SIK3: variants seen among roughly 807,000 people sequenced by gnomAD.
SIK3 encodes the protein SIK family kinase 3.
A neutral mutation model predicts 144.2 loss-of-function variants in SIK3; 28 were observed. The ratio of observed to expected loss-of-function variants is 0.19; its 90% confidence interval spans 0.14 to 0.27. The LOEUF is 0.27. SIK3 is among the 10% of genes least tolerant of loss of function. SIK3 has a pLI of 1.00. For missense variants in SIK3, 1,319 were observed against 1,776.0 expected (o/e 0.74, Z 4.62); for synonymous variants, 686 against 676.3 (o/e 1.01, Z -0.22).
intron 3 of SIK3, among the ~76,000 whole-genome samples, chr11:116,938,597 GGAGGA>G (rs1948101068): frequency 3.9e-4 from 9 of 23,050 alleles, no homozygotes; most frequent in African/African-American, 8.8e-4. Flanking sequence ...AGAGGAGAGG[GGAGGA>G]GAGGAGAGGA....
intron 1 of SIK3, 134 bp from the exon 2 acceptor site, chr11:116,957,198 G>A: frequency 3.9e-6 from 2 of 509,102 alleles, no homozygotes; most frequent in Non-Finnish European, 6.9e-6. Context: ...ATGTCAATGA[G>A]GAAAATTAAT....
intron 3 of SIK3, among the ~76,000 whole-genome samples, chr11:116,951,202 T>G (rs1473324): frequency 0.16 from 24,663 of 152,140 alleles, 2,119 homozygotes; most frequent in Admixed American, 0.21. Context: ...AGAGATCTGA[T>G]TCAAACCTAG....
chr11:116,938,302 GA>G (rs1218133971), intron 3 of SIK3, among the ~76,000 whole-genome samples: 9 of 72,040 alleles, frequency 1.2e-4, no homozygotes, highest in Admixed American at 1.6e-4. Context: ...GAGGAGAGGA[GA>G]AGAGAAGGAG....
intron 4 of SIK3, among the ~76,000 whole-genome samples, chr11:116,911,001 G>A (rs975970376): frequency 1.3e-5 from 2 of 152,162 alleles, no homozygotes; most frequent in African/African-American, 2.4e-5. Flanking sequence ...CTGGTGAAGC[G>A]GCGCACACCT....
At chr11:117,066,073 CTT>C (rs5795060) in intron 1 of SIK3, among the ~76,000 whole-genome samples, 14 of 140,560 alleles carry the variant, frequency 1.0e-4, no homozygotes, top group East Asian at 2.0e-4. Flanking sequence ...TTCTTTTCTT[CTT>C]TTTTTTTTTT....
chr11:116,992,743 G>A (rs966580851), intron 1 of SIK3, among the ~76,000 whole-genome samples: 6 of 152,120 alleles, frequency 3.9e-5, no homozygotes, highest in African/African-American at 4.8e-5. Context: ...CCAGCACCTC[G>A]GGGAGCCAAG....
At chr11:116,923,255 C>T (rs1042943497) in intron 4 of SIK3, among the ~76,000 whole-genome samples, 1 of 152,160 alleles carries the variant, frequency 6.6e-6, no homozygotes, top group Non-Finnish European at 1.5e-5. Flanking sequence ...AACCCTTTTT[C>T]TCTCTTGCAT....
intron 1 of SIK3, among the ~76,000 whole-genome samples, chr11:117,059,592 T>C (rs971552404): frequency 3.3e-5 from 5 of 152,058 alleles, no homozygotes; most frequent in Non-Finnish European, 7.4e-5. Flanking sequence ...TAGAAGAAAA[T>C]CTTTGCAAAA....
chr11:117,003,921 C>CA (rs1950947831), intron 1 of SIK3, among the ~76,000 whole-genome samples: 2 of 152,088 alleles, frequency 1.3e-5, no homozygotes, highest in African/African-American at 4.8e-5. Context: ...AACAAACAAA[C>CA]AAAAAACTCT....
intron 1 of SIK3, among the ~76,000 whole-genome samples, chr11:117,069,742 G>A (rs998238544): frequency 6.6e-6 from 1 of 151,956 alleles, no homozygotes; most frequent in African/African-American, 2.4e-5. Flanking sequence ...ATTGAAGTTT[G>A]CCATTACCTC....
Position 116,993,599 on chromosome 11 carries a change from T to C in SIK3, c.274-36535A>G, listed in dbSNP as rs7116927. 6.9e-3 allele frequency among the ~76,000 whole-genome samples: 1,052 copies of C among 152,310 alleles called. 19 individuals are homozygous for C. Among genetic ancestry groups the C allele is most frequent in the African/African-American group, 0.023 (970 of 41,560 alleles). On this transcript the variant is annotated intron_variant, in intron 1 of 24. Transcript: ENST00000445177. ...GCAGATATTTAGGAAAACATGTATA[T>C]TCCTTTAGTGCAATCCTAAAGCAGC...
At chr11:117,088,102 T>A (rs1244130464) in intron 1 of SIK3, among the ~76,000 whole-genome samples, 1 of 152,114 alleles carries the variant, frequency 6.6e-6, no homozygotes, top group Non-Finnish European at 1.5e-5. Flanking sequence ...CTGGGCATGG[T>A]GGCATGCACC....
intron 1 of SIK3, among the ~76,000 whole-genome samples, chr11:117,032,072 T>C (rs764043423): frequency 6.6e-6 from 1 of 152,202 alleles, no homozygotes; most frequent in Non-Finnish European, 1.5e-5. Context: ...ACAATCTTGA[T>C]TACTGGAGCT....
At chr11:117,080,891 T>C (rs912513748) in intron 1 of SIK3, among the ~76,000 whole-genome samples, 3 of 152,128 alleles carry the variant, frequency 2.0e-5, no homozygotes. Flanking sequence ...GAAGTTGCAG[T>C]GAGCCAAGAT....
At chr11:116,948,837 CTA>C (rs1437278003) in intron 3 of SIK3, among the ~76,000 whole-genome samples, 1 of 149,942 alleles carries the variant, frequency 6.7e-6, no homozygotes, top group Non-Finnish European at 1.5e-5. Context: ...GAAGAACAAA[CTA>C]AAACTGAAGC....
In SIK3 at chr11:116,875,364, T is replaced by A; in HGVS notation, c.1317+10A>T. The A allele has an allele frequency of 6.2e-7, 1 of 1,614,118 alleles. No individual in the cohort carries two copies. On this transcript the variant is annotated intron_variant, in intron 10 of 24. Transcript: ENST00000445177. ...GTTTCAGCTGACAGCTCCCACAGGT[T>A]GCTACTTGCCTCCACAATTTGGTTC...
At position 116,859,567 on chromosome 11, in the gene SIK3, G is replaced by C. The variant is rs1208710019; in HGVS notation, c.2463C>G (p.Ser821=). The C allele has an allele frequency of 1.2e-6, 2 of 1,614,154 alleles. No individual in the cohort carries two copies. ...ASSSQFQGLP[S]RSAIFQQQPE... Reference sequence around the variant, plus strand: ...GTTGCTGCTGAAAGATTGCACTGCGGGAAGGTAAGCCTTGAAACTGGGAAG... The same window carrying C: ...GTTGCTGCTGAAAGATTGCACTGCGCGAAGGTAAGCCTTGAAACTGGGAAG... The change falls in exon 20 of 25, where the codon TCC becomes TCG. Residue 821 remains serine (S), a synonymous_variant. Transcript: ENST00000445177.
At chr11:116,937,845 C>T (rs1283257686) in intron 3 of SIK3, among the ~76,000 whole-genome samples, 2 of 152,068 alleles carry the variant, frequency 1.3e-5, no homozygotes, top group African/African-American at 4.8e-5. Context: ...CAATAATAAC[C>T]CAGTAGCACT....
At chr11:116,955,259 G>A (rs1012244143) in intron 2 of SIK3, among the ~76,000 whole-genome samples, 2 of 151,630 alleles carry the variant, frequency 1.3e-5, no homozygotes, top group Admixed American at 6.6e-5. Flanking sequence ...TTAGCTGGGC[G>A]TGGTGGCACA....
Sources: allele counts gnomAD v4.1 joint callset (sites outside exome capture counted in the v4.1 genomes callset), GRCh38; gene constraint gnomAD v4.1.1; transcripts MANE v1.5; gene names NCBI Gene and HGNC (gene_info 2026-07-23, HGNC 2026-07-21).